The following CEP126 variants were observed in gnomAD, a reference collection of about 807,000 sequenced individuals.
CEP126 encodes the protein centrosomal protein 126.
Under a neutral mutation model 107.8 loss-of-function variants are expected in CEP126, and 74 were observed. The observed-to-expected ratio is 0.69, with a 90% CI of 0.57 to 0.83. The LOEUF is 0.83. Among genes scored for constraint, CEP126 ranks in the 40% least tolerant of loss-of-function variants. The probability of loss-of-function intolerance (pLI) is 0.00; values close to 1 mark genes in which losing one functional copy is unlikely to be tolerated. For synonymous variants in CEP126, 449 were observed against 446.0 expected (o/e 1.01, Z -0.08); for missense variants, 1,237 against 1,281.9 (o/e 0.96, Z 0.53).
At chr11:101,931,582 A>G (rs565749897) in intron 2 of CEP126, among the ~76,000 whole-genome samples, 18 of 152,226 alleles carry the variant, frequency 1.2e-4, no homozygotes, top group Non-Finnish European at 1.9e-4. Context: ...TTCAAGAAGA[A>G]CAATTTATCC....
chr11:101,924,371 T>A (rs1338597641), intron 2 of CEP126, among the ~76,000 whole-genome samples: 1 of 152,166 alleles, frequency 6.6e-6, no homozygotes, highest in African/African-American at 2.4e-5. Flanking sequence ...TTTACATCAT[T>A]TAAGTTTATG....
chr11:101,928,581 G>A (rs367917103), intron 2 of CEP126, among the ~76,000 whole-genome samples: 2 of 152,118 alleles, frequency 1.3e-5, no homozygotes, highest in East Asian at 3.8e-4. Flanking sequence ...GGTTTTGTTT[G>A]ATAGTTTTTT....
At chr11:101,976,886 A>T (rs921311748) in intron 6 of CEP126, among the ~76,000 whole-genome samples, 1 of 152,124 alleles carries the variant, frequency 6.6e-6, no homozygotes, top group African/African-American at 2.4e-5. Flanking sequence ...CTATACATAC[A>T]AGTTAAGCAT....
intron 6 of CEP126, among the ~76,000 whole-genome samples, chr11:101,976,383 A>G (rs1335215443): frequency 6.6e-6 from 1 of 152,184 alleles, no homozygotes; most frequent in Non-Finnish European, 1.5e-5. Flanking sequence ...AATAGTGATG[A>G]TAATAGTGCC....
Position 101,963,332 on chromosome 11 carries a change from A to G in CEP126, c.2297A>G (p.Gln766Arg), listed in dbSNP as rs1057478440. 1 of 1,613,872 alleles carries G rather than the reference A, an allele frequency of 6.2e-7. No individual in the cohort carries two copies. The highest frequency in any genetic ancestry group is 8.5e-7 in the Non-Finnish European group (1 of 1,180,002). Residue 766 changes from glutamine (Q) to arginine (R), a missense_variant, in exon 6 of 11, where the codon CAA (glutamine) becomes CGA (arginine). Gln to Arg is a conservative substitution (Grantham distance 43). Coordinates refer to ENST00000263468, the MANE Select transcript of CEP126 (RefSeq NM_020802.4). ...IIRKPGSAKV[Q>R]SGFICTNRKG... The stretch of plus-strand genomic sequence containing the variant: ...AGAAAACCAGGATCTGCAAAAGTCC[A>G]ATCAGGCTTTATATGTACAAACAGA...
At chr11:101,915,695 G>C (rs1940195279) in intron 1 of CEP126, among the ~76,000 whole-genome samples, 1 of 152,132 alleles carries the variant, frequency 6.6e-6, no homozygotes, top group South Asian at 2.1e-4. Context: ...TGTGTATTCT[G>C]TGGGGATATT....
At chr11:101,931,266 T>C (rs1940495421) in intron 2 of CEP126, among the ~76,000 whole-genome samples, 1 of 152,208 alleles carries the variant, frequency 6.6e-6, no homozygotes, top group Admixed American at 6.5e-5. Context: ...ATTGTTTAGG[T>C]GTTTTGCCCT....
At position 101,944,318 on chromosome 11, in the gene CEP126, A is replaced by T. The variant is rs771569451; in HGVS notation, c.302A>T (p.Glu101Val). ...GAAGAAAAAGAACACCAAATTAGAG[A>T]ACAAATACTTCAACAAAGAAAACAG... ...EQEEKEHQIR[E>V]QILQQRKQKF... is the part of the protein sequence containing the mutation. Residue 101 changes from glutamate to valine, a missense_variant, in exon 3 of 11, where the codon GAA becomes GTA. Transcript: ENST00000263468. The T allele has an allele frequency of 6.8e-6, 11 of 1,611,462 alleles. No individual in the cohort carries two copies. The South Asian group carries it at 1.2e-4, about 18-fold the overall frequency.
chr11:101,971,368 G>A (rs1251033095), intron 6 of CEP126, among the ~76,000 whole-genome samples: 3 of 152,050 alleles, frequency 2.0e-5, no homozygotes, highest in Admixed American at 2.0e-4. Flanking sequence ...TTTGTGGATG[G>A]CACAGAGTAT....
At position 101,979,063 on chromosome 11, in the gene CEP126, C is replaced by T. The variant is rs145618600; in HGVS notation, c.2958+604C>T. The stretch of plus-strand genomic sequence containing the variant: ...AGGAGAATTGCTTGAACCTGGGAGG[C>T]GGAGGTTACAGTGAGCTGAGGTCGC... On this transcript the variant is annotated intron_variant, in intron 7 of 10. Transcript: ENST00000263468. Among the ~76,000 whole-genome samples the T allele has an allele frequency of 2.0e-4, 31 of 151,688 alleles. No homozygotes were observed. The South Asian group carries it at 2.9e-3, about 14-fold the overall frequency.
intron 8 of CEP126, among the ~76,000 whole-genome samples, chr11:101,982,391 G>A (rs1201237617): frequency 3.3e-5 from 5 of 152,182 alleles, no homozygotes; most frequent in Admixed American, 2.0e-4. Flanking sequence ...TGTGTGTCCA[G>A]TGGTGTATGT....
intron 2 of CEP126, among the ~76,000 whole-genome samples, chr11:101,924,950 T>C (rs1234702500): frequency 6.6e-6 from 1 of 152,206 alleles, no homozygotes; most frequent in Non-Finnish European, 1.5e-5. Flanking sequence ...TGCATTTCTA[T>C]TAGCCAATAT....
At chr11:101,971,974 T>A (rs1941134871) in intron 6 of CEP126, among the ~76,000 whole-genome samples, 1 of 151,444 alleles carries the variant, frequency 6.6e-6, no homozygotes, top group Admixed American at 6.6e-5. Context: ...CTGGGCGTGG[T>A]GGTGGGCGCC....
At chr11:101,955,864 C>T (rs752126908) in intron 4 of CEP126, 1 of 456,408 alleles carries the variant, frequency 2.2e-6, no homozygotes, top group South Asian at 1.5e-5. Context: ...CTCCACGGGT[C>T]CCATTGCGGT....
chr11:101,970,528 T>G (rs1360915819), intron 6 of CEP126, among the ~76,000 whole-genome samples: 1 of 152,136 alleles, frequency 6.6e-6, no homozygotes, highest in Non-Finnish European at 1.5e-5. Flanking sequence ...CATGCACTTT[T>G]CTATACATAG....
chr11:101,945,775 G>C (rs1407875734), intron 3 of CEP126, among the ~76,000 whole-genome samples: 3 of 152,070 alleles, frequency 2.0e-5, no homozygotes, highest in Non-Finnish European at 2.9e-5. Context: ...TAGGCAGGAA[G>C]AAAGAACAGG....
chr11:101,997,760 G>T lies in CEP126; in HGVS notation c.*117G>T. The T allele has an allele frequency of 7.0e-7, 1 of 1,420,962 alleles. No homozygotes were observed. 88.0% of individuals were successfully genotyped at this position (1,420,962 alleles called of 1,614,324 possible). On this transcript the variant is annotated 3_prime_UTR_variant, in exon 11 of 11. Coordinates refer to ENST00000263468, the MANE Select transcript of CEP126 (RefSeq NM_020802.4). ...TGAGCAACAACCCCCATGAACATTT[G>T]TCCTAACTCAGATTTTGTGAGCAGT...
At chr11:101,981,475 A>G (rs1475115441) in intron 7 of CEP126, among the ~76,000 whole-genome samples, 1 of 151,996 alleles carries the variant, frequency 6.6e-6, no homozygotes, top group African/African-American at 2.4e-5. Context: ...TTATATTTTT[A>G]GTAGAGACAG....
At chr11:101,960,499 A>G (rs564364169) in intron 5 of CEP126, among the ~76,000 whole-genome samples, 3 of 152,312 alleles carry the variant, frequency 2.0e-5, no homozygotes, top group African/African-American at 7.2e-5. Flanking sequence ...TGAAGTAGCT[A>G]TGCTTTGTTT....
Sources: gnomAD v4.1 joint callset for allele counts (sites outside exome capture counted in the v4.1 genomes callset) on GRCh38, gnomAD v4.1.1 for gene constraint, MANE v1.5 for transcripts, NCBI Gene and HGNC (gene_info 2026-07-23, HGNC 2026-07-21) for gene names.